Variants in CLCNKB observed in about 807,000 individuals in gnomAD.
CLCNKB encodes the protein chloride channel protein ClC-Kb.
CLCNKB carries 74 observed loss-of-function variants against 83.8 expected under a neutral mutation model. The ratio of observed to expected loss-of-function variants is 0.88; its 90% CI spans 0.73 to 1.07. The LOEUF (loss-of-function observed/expected upper bound fraction) is 1.07. Ranked by LOEUF, CLCNKB falls within the 50% of genes least tolerant of loss-of-function variation. The pLI is 0.00. For missense variants in CLCNKB, 798 were observed against 893.6 expected (o/e 0.89, Z 1.36); for synonymous variants, 358 against 356.6 (o/e 1.00, Z -0.04).
In CLCNKB at chr1:16,052,443, G is replaced by A. The variant is rs532929313; in HGVS notation, c.1622+32G>A. ...GGTGCCCACCTCAGGCTGACTGAAG[G>A]GGGTCACAGTGTTTGGGAAGGGCTG... On this transcript the variant is annotated intron_variant, in intron 15 of 19. Coordinates refer to ENST00000375679, the MANE Select transcript of CLCNKB (RefSeq NM_000085.5). 0.11 allele frequency: 183,616 copies of A among 1,612,688 alleles called. 11,821 individuals are homozygous for A. The highest frequency in any genetic ancestry group is 0.22 in the African/African-American group (16,786 of 74,940).
intron 18 of CLCNKB, among the ~76,000 whole-genome samples, 180 bp downstream of exon 18, chr1:16,055,938 C>T (rs1033738773): frequency 2.6e-5 from 4 of 152,048 alleles, no homozygotes; most frequent in African/African-American, 9.7e-5. Flanking sequence ...TGCCCTGTTG[C>T]CCCTCACTGC....
At position 16,044,787 on chromosome 1, in the gene CLCNKB, G is replaced by A. The variant is rs13306234; in HGVS notation, c.100+195G>A. On this transcript the variant is annotated intron_variant, in intron 2 of 19. Transcript: ENST00000375679. Reference sequence around the variant, plus strand: ...CAGCTGTCTGTGGGTCAGATGGGCCGGGCATCTGCCCTCTGCCTTTCGGGA... The same window carrying A: ...CAGCTGTCTGTGGGTCAGATGGGCCAGGCATCTGCCCTCTGCCTTTCGGGA... 9.2e-3 allele frequency among the ~76,000 whole-genome samples: 1,400 copies of A among 152,308 alleles called. 29 individuals are homozygous for A. The East Asian group carries it at 0.095, about 10-fold the overall frequency.
intron 10 of CLCNKB, 147 bp from the exon 11 acceptor site, chr1:16,050,369 C>A: frequency 1.2e-6 from 1 of 857,130 alleles, no homozygotes; most frequent in Non-Finnish European, 1.9e-6. Flanking sequence ...GGGCTGACCC[C>A]ACAGGTTCTG....
chr1:16,051,150 C>G, intron 12 of CLCNKB, 102 bp downstream of exon 12: 1 of 1,553,666 alleles, frequency 6.4e-7, no homozygotes, highest in South Asian at 1.1e-5. Flanking sequence ...AGGCCTTCCA[C>G]CCACATTTCC....
intron 3 of CLCNKB, among the ~76,000 whole-genome samples, chr1:16,046,210 T>C (rs988003859): frequency 6.6e-6 from 1 of 152,248 alleles, no homozygotes; most frequent in Non-Finnish European, 1.5e-5. Context: ...CATGTAGTTC[T>C]CAGTGGCCCT....
Position 16,049,798 on chromosome 1 carries a change from G to A in CLCNKB, c.867-17G>A, listed in dbSNP as rs754941811. 8 of 1,613,854 alleles carry A rather than the reference G, an allele frequency of 5.0e-6. No individual in the cohort carries two copies. The highest frequency in any genetic ancestry group is 6.8e-6 in the Non-Finnish European group (8 of 1,179,874). On this transcript the variant is annotated splice_polypyrimidine_tract_variant and intron_variant, in intron 9 of 19. Transcript: ENST00000375679. ...TACTGGGGTCGGGCTCTGGGCTCAT[G>A]TCTCCATGCTCCCCAGGGGTCTCTG...
intron 2 of CLCNKB, among the ~76,000 whole-genome samples, chr1:16,044,911 C>G (rs1338305703): frequency 2.0e-5 from 3 of 152,222 alleles, no homozygotes; most frequent in African/African-American, 4.8e-5. Context: ...GCTGCTGGGA[C>G]AGCTGGGGCC....
rs772984104 is a variant in CLCNKB, at chr1:16,044,519, A to G, written c.27A>G (p.Glu9=). 8 of 1,606,002 alleles carry G rather than the reference A, an allele frequency of 5.0e-6. No homozygotes were observed. Among genetic ancestry groups the G allele is most frequent in the South Asian group, 2.3e-5 (2 of 88,810 alleles). ...TGGAGGAGTTTGTGGGGCTGCGTGA[A>G]GGCTCCTCAGGGAACCCTGTGACTC... MEEFVGLR[E]GSSGNPVTLQ... The change falls in exon 2 of 20, where the codon GAA becomes GAG. Residue 9 remains glutamate (E), a synonymous_variant. Transcript: ENST00000375679.
chr1:16,055,290 T>G, intron 16 of CLCNKB, 145 bp from the exon 17 acceptor site: 2 of 750,606 alleles, frequency 2.7e-6, no homozygotes, highest in Non-Finnish European at 4.7e-6. Flanking sequence ...TGAGCCAAAG[T>G]TTCCTGTCCT....
intron 18 of CLCNKB, 92 bp downstream of exon 18, chr1:16,055,850 C>A (rs2023421802): frequency 2.2e-5 from 25 of 1,161,488 alleles, no homozygotes; most frequent in Non-Finnish European, 3.1e-5. Context: ...CCCTCCCAAC[C>A]CCGCCCTGCC....
rs767551505 is a variant in CLCNKB, at chr1:16,050,974, C to T, written c.1153C>T (p.Gln385Ter). ...SPPWPEELDPQHLWWEWYHPR... is the reference protein window; with the variant it reads ...SPPWPEELDP ...ACCCTGGCCCGAGGAGCTCGACCCC[C>T]AGCACCTGTGGTGGGAATGGTACCA... Residue 385 changes from glutamine (Q) to a stop codon, truncating the protein, a stop_gained, in exon 12 of 20, where the codon CAG (glutamine) becomes TAG (stop). Transcript: ENST00000375679. LOFTEE classifies it high-confidence loss of function. 1 of 1,614,046 alleles carries T rather than the reference C, an allele frequency of 6.2e-7. No individual in the cohort carries two copies. Among genetic ancestry groups the T allele is most frequent in the Non-Finnish European group, 8.5e-7 (1 of 1,180,006 alleles).
rs1553127093 is a variant in CLCNKB at position 16,044,356 on chromosome 1, T to TAC, written c.-7-109_-7-108dup. On this transcript the variant is annotated intron_variant, in intron 1 of 19. Transcript: ENST00000375679. ...ACAGACCTAGTGTGATAACTTCACATACACACACACACACACACACACGCA... is the reference window on the plus strand; with the variant it reads ...ACAGACCTAGTGTGATAACTTCACATACACACACACACACACACACACACGCA... The TAC allele has an allele frequency of 9.1e-4, 341 of 375,188 alleles. 1 individual carries two copies. The highest frequency in any genetic ancestry group is 3.9e-3 in the African/African-American group (181 of 46,782). 23.2% of individuals were successfully genotyped at this position (375,188 alleles called of 1,614,324 possible).
Position 16,045,624 on chromosome 1 carries a change from T to G in CLCNKB, c.167T>G (p.Leu56Arg). 1 of 1,614,040 alleles carries G rather than the reference T, an allele frequency of 6.2e-7. No homozygotes were observed. The highest frequency in any genetic ancestry group is 8.5e-7 in the Non-Finnish European group (1 of 1,179,940). ...GAGGACTGGTACTTCCTGATGACCC[T>G]CGGGGTGCTCATGGCCCTGGTCAGC... ...LGEDWYFLMT[L>R]GVLMALVSCA... is the part of the protein sequence containing the mutation. The change falls in exon 3 of 20, where the codon CTC (leucine) becomes CGC (arginine). Residue 56 changes from leucine (L) to arginine (R), a missense_variant. Physicochemically the swap from Leu to Arg is moderately radical, Grantham distance 102 (BLOSUM62 -2). Coordinates refer to ENST00000375679, the MANE Select transcript of CLCNKB (RefSeq NM_000085.5).
chr1:16,047,445 G>GAAAC (rs34324462), intron 4 of CLCNKB, among the ~76,000 whole-genome samples: 2,535 of 150,450 alleles, frequency 0.017, 75 homozygotes, highest in African/African-American at 0.056. Flanking sequence ...ACCCCTGTCT[G>GAAAC]AAACAAACAA....
intron 15 of CLCNKB, among the ~76,000 whole-genome samples, 179 bp from the exon 16 acceptor site, chr1:16,053,460 C>G (rs933225048): frequency 6.6e-6 from 1 of 152,130 alleles, no homozygotes; most frequent in Admixed American, 6.5e-5. Context: ...GCGATGTGGT[C>G]CCCAGGTTTC....
At chr1:16,044,205 G>C (rs2023018928) in intron 1 of CLCNKB, among the ~76,000 whole-genome samples, 1 of 150,852 alleles carries the variant, frequency 6.6e-6, no homozygotes, top group Admixed American at 6.6e-5. Flanking sequence ...GCAGGGCTTG[G>C]GCTCCGGCCT....
chr1:16,045,224 G>T (rs1186466619), intron 2 of CLCNKB, among the ~76,000 whole-genome samples: 2 of 152,168 alleles, frequency 1.3e-5, no homozygotes, highest in Non-Finnish European at 2.9e-5. Flanking sequence ...GACTCTGCGG[G>T]GATGCAGGTG....
chr1:16,049,470 A>G, intron 8 of CLCNKB, 148 bp from the exon 9 acceptor site: 2 of 1,541,632 alleles, frequency 1.3e-6, no homozygotes, highest in Non-Finnish European at 1.8e-6. Context: ...GCAGGGAGGC[A>G]GGAGCCTGGT....
intron 7 of CLCNKB, 134 bp from the exon 8 acceptor site, chr1:16,048,986 C>T (rs754631794): frequency 3.8e-6 from 6 of 1,583,282 alleles, no homozygotes; most frequent in Non-Finnish European, 5.2e-6. Context: ...CCTGCCCTCC[C>T]CTCCTGTCTG....
Sources: gnomAD v4.1 joint callset for allele counts (sites outside exome capture counted in the v4.1 genomes callset) on GRCh38, gnomAD v4.1.1 for gene constraint, MANE v1.5 for transcripts, NCBI Gene and HGNC (gene_info 2026-07-23, HGNC 2026-07-21) for gene names.